Variants in INPP4A observed in about 807,000 individuals in gnomAD.
INPP4A encodes the protein inositol polyphosphate-4-phosphatase type I A.
A neutral mutation model predicts 119.8 loss-of-function variants in INPP4A; 33 were observed. That is an observed-to-expected ratio of 0.28 (90% CI 0.21 to 0.37). The LOEUF (loss-of-function observed/expected upper bound fraction) is 0.37, where lower values mean the gene tolerates loss of function less well. INPP4A is among the 10% of genes least tolerant of loss of function. The pLI, the probability that INPP4A is intolerant of heterozygous loss-of-function variation, is 1.00. For missense variants in INPP4A, 956 were observed against 1,289.9 expected (o/e 0.74, Z 3.97); for synonymous variants, 496 against 500.7 (o/e 0.99, Z 0.12).
At chr2:98,562,407 G>A (rs548765601) in intron 17 of INPP4A, among the ~76,000 whole-genome samples, 1 of 152,274 alleles carries the variant, frequency 6.6e-6, no homozygotes, top group South Asian at 2.1e-4. Context: ...CCCTTCTCTC[G>A]GTCTCTGAGA....
rs146292233 is a variant in INPP4A at position 98,467,998 on chromosome 2, T to C, written c.-166+22913T>C. Reference sequence around the variant, plus strand: ...GGCTTTTAGAGTACAGCCTGTTGGTTGAACAGGCCGTAAGTTCAGCCTCAT... The same window carrying C: ...GGCTTTTAGAGTACAGCCTGTTGGTCGAACAGGCCGTAAGTTCAGCCTCAT... On this transcript the variant is annotated intron_variant, in intron 1 of 24. Transcript: ENST00000409851. Among the ~76,000 whole-genome samples the C allele has an allele frequency of 5.2e-3, 789 of 152,292 alleles. 12 individuals are homozygous for C. The highest frequency in any genetic ancestry group is 0.018 in the African/African-American group (734 of 41,542).
At chr2:98,549,533 A>C (rs895992915) in intron 13 of INPP4A, among the ~76,000 whole-genome samples, 2 of 152,144 alleles carry the variant, frequency 1.3e-5, no homozygotes, top group African/African-American at 4.8e-5. Context: ...TGACAGTTAG[A>C]AACCACGGTG....
intron 1 of INPP4A, among the ~76,000 whole-genome samples, chr2:98,502,763 C>G (rs1040838075): frequency 5.9e-5 from 9 of 152,178 alleles, no homozygotes; most frequent in African/African-American, 2.2e-4. Flanking sequence ...AGTCTCACTA[C>G]TGCATTGTTT....
At chr2:98,559,602 A>C in intron 17 of INPP4A, 107 bp downstream of exon 17, 4 of 1,214,694 alleles carry the variant, frequency 3.3e-6, no homozygotes, top group Non-Finnish European at 4.7e-6. Flanking sequence ...CAGAGTTGGG[A>C]AAGTATTCCA....
intron 1 of INPP4A, among the ~76,000 whole-genome samples, chr2:98,485,733 C>T (rs1277982529): frequency 6.6e-6 from 1 of 152,148 alleles, no homozygotes; most frequent in Non-Finnish European, 1.5e-5. Context: ...TTTGATTCAT[C>T]ACCCTTGGAA....
chr2:98,444,587 G>A (rs977546039), upstream of INPP4A, among the ~76,000 whole-genome samples: 1 of 152,222 alleles, frequency 6.6e-6, no homozygotes, highest in Non-Finnish European at 1.5e-5. Context: ...GGCCTCAGAT[G>A]CCTCAGTGGA....
intron 23 of INPP4A, among the ~76,000 whole-genome samples, chr2:98,574,633 A>G (rs1238017175): frequency 6.7e-6 from 1 of 149,336 alleles, no homozygotes; most frequent in African/African-American, 2.5e-5. Flanking sequence ...GTGAGACTCC[A>G]TCTCAAAAAA....
intron 1 of INPP4A, among the ~76,000 whole-genome samples, chr2:98,491,864 CA>C (rs1680856956): frequency 6.6e-6 from 1 of 151,848 alleles, no homozygotes. Flanking sequence ...CCCACAAACT[CA>C]TAAGTTCAAA....
chr2:98,535,694 A>G (rs773751380), intron 5 of INPP4A, 35 bp from the exon 6 acceptor site: 1 of 965,564 alleles, frequency 1.0e-6, no homozygotes, highest in Non-Finnish European at 1.6e-6. Context: ...TAAAAATCCA[A>G]CCCTGTGTTC....
intron 1 of INPP4A, among the ~76,000 whole-genome samples, chr2:98,514,354 G>A (rs1685698807): frequency 6.6e-6 from 1 of 152,178 alleles, no homozygotes; most frequent in South Asian, 2.1e-4. Context: ...AATCTCTGGA[G>A]CGGTAAGAGT....
chr2:98,546,731 C>A lies in INPP4A; in HGVS notation c.1163+37C>A. On this transcript the variant is annotated intron_variant, in intron 13 of 24. Coordinates refer to ENST00000409851, the MANE Select transcript of INPP4A (RefSeq NM_001134225.2). This position sits in a 1 kb window ranked among gnomAD's most constrained non-coding sequence, Gnocchi z 4.2. ...GAGAGGGTTTGTGGTCCTTGTACAGCTTTCTGATGCTTCTTTTCTCAGTTT... is the reference window on the plus strand; with the variant it reads ...GAGAGGGTTTGTGGTCCTTGTACAGATTTCTGATGCTTCTTTTCTCAGTTT... The A allele has an allele frequency of 8.6e-7, 1 of 1,169,138 alleles. No individual in the cohort carries two copies. The highest frequency in any genetic ancestry group is 1.3e-6 in the Non-Finnish European group (1 of 780,930). 72.4% of individuals were successfully genotyped at this position (1,169,138 alleles called of 1,614,324 possible). A position where few individuals can be genotyped will look rare whatever the true frequency, so the allele number is the denominator to read the frequency against.
At chr2:98,486,207 C>T (rs1322662021) in intron 1 of INPP4A, among the ~76,000 whole-genome samples, 5 of 152,148 alleles carry the variant, frequency 3.3e-5, no homozygotes, top group African/African-American at 1.2e-4. Flanking sequence ...GAGTCTCACT[C>T]ATTAATTGGG....
intron 5 of INPP4A, among the ~76,000 whole-genome samples, chr2:98,534,894 A>T (rs1689936881): frequency 6.6e-6 from 1 of 152,184 alleles, no homozygotes; most frequent in Non-Finnish European, 1.5e-5. Context: ...AGAACAACAG[A>T]GAAGAAGGCA....
intron 13 of INPP4A, among the ~76,000 whole-genome samples, chr2:98,550,428 C>T (rs1368246718): frequency 1.3e-5 from 2 of 152,204 alleles, no homozygotes; most frequent in African/African-American, 4.8e-5. Flanking sequence ...GACTGTTGCT[C>T]AGCAGTTACC....
At chr2:98,512,459 A>G (rs891736927) in intron 1 of INPP4A, among the ~76,000 whole-genome samples, 1 of 152,202 alleles carries the variant, frequency 6.6e-6, no homozygotes, top group Non-Finnish European at 1.5e-5. Context: ...TAGTTTGTAA[A>G]GAAAAGCAAC....
At chr2:98,577,481 G>A (rs1229135606) in intron 24 of INPP4A, among the ~76,000 whole-genome samples, 9 of 152,240 alleles carry the variant, frequency 5.9e-5, no homozygotes, top group African/African-American at 9.6e-5. Flanking sequence ...CCTGCTGGCC[G>A]TGGGTGTGAC....
intron 1 of INPP4A, among the ~76,000 whole-genome samples, chr2:98,463,556 GGTGAT>G (rs1291961725): frequency 6.6e-6 from 1 of 152,250 alleles, no homozygotes; most frequent in Non-Finnish European, 1.5e-5. Flanking sequence ...TCACAGGCGA[GGTGAT>G]GCAAAGTTAC....
intron 1 of INPP4A, among the ~76,000 whole-genome samples, chr2:98,505,571 T>A (rs149963850): frequency 3.3e-5 from 5 of 152,204 alleles, no homozygotes; most frequent in Non-Finnish European, 7.4e-5. Flanking sequence ...TCAAAACAGC[T>A]TGCACACTCT....
At chr2:98,534,691 G>C (rs561019535) in intron 5 of INPP4A, among the ~76,000 whole-genome samples, 4 of 152,328 alleles carry the variant, frequency 2.6e-5, no homozygotes, top group African/African-American at 9.6e-5. Context: ...CTTGAAGGCC[G>C]TGGAGTTTAT....
Sources: allele counts gnomAD v4.1 joint callset (sites outside exome capture counted in the v4.1 genomes callset), GRCh38; gene constraint gnomAD v4.1.1; non-coding constraint Gnocchi (gnomAD v3.1); transcripts MANE v1.5; gene names NCBI Gene and HGNC (gene_info 2026-07-23, HGNC 2026-07-21).